Variants in NCAM2 observed in about 807,000 individuals in gnomAD.
The protein encoded by NCAM2 is neural cell adhesion molecule 2.
Under a neutral mutation model 98.1 loss-of-function variants are expected in NCAM2, and 30 were observed. That is an observed-to-expected ratio of 0.31 (90% CI 0.23 to 0.41). The LOEUF is 0.41. Among genes scored for constraint, NCAM2 ranks in the 10% least tolerant of loss-of-function variants. The pLI, the probability that NCAM2 is intolerant of heterozygous loss-of-function variation, is 1.00. For missense variants in NCAM2, 867 were observed against 1,005.8 expected (o/e 0.86, Z 1.87); for synonymous variants, 368 against 342.4 (o/e 1.07, Z -0.83).
intron 1 of NCAM2, among the ~76,000 whole-genome samples, chr21:21,163,195 G>T (rs2067841963): frequency 6.6e-6 from 1 of 152,160 alleles, no homozygotes; most frequent in African/African-American, 2.4e-5. Flanking sequence ...CACTGAAGAA[G>T]CTTACAGTGC....
At chr21:21,191,657 A>G (rs2068827764) in intron 1 of NCAM2, among the ~76,000 whole-genome samples, 1 of 152,198 alleles carries the variant, frequency 6.6e-6, no homozygotes. Flanking sequence ...TCTATGAAAC[A>G]TATTGGCACT....
chr21:21,219,656 A>G (rs548502015), intron 1 of NCAM2, among the ~76,000 whole-genome samples: 1 of 152,314 alleles, frequency 6.6e-6, no homozygotes, highest in South Asian at 2.1e-4. Flanking sequence ...AGGTTTAGAT[A>G]TTTACTACAC....
intron 1 of NCAM2, among the ~76,000 whole-genome samples, chr21:21,178,927 C>T (rs1370826964): frequency 2.0e-5 from 3 of 152,016 alleles, no homozygotes; most frequent in South Asian, 2.1e-4. Context: ...GAAATTTTCT[C>T]ACAAAGGTGG....
chr21:21,258,243 G>A (rs909122459), intron 1 of NCAM2, among the ~76,000 whole-genome samples: 1 of 152,110 alleles, frequency 6.6e-6, no homozygotes, highest in African/African-American at 2.4e-5. Flanking sequence ...TTTCACATCT[G>A]CTGAAGTTCT....
At chr21:21,400,024 G>A (rs1258354870) in intron 9 of NCAM2, among the ~76,000 whole-genome samples, 1 of 152,142 alleles carries the variant, frequency 6.6e-6, no homozygotes, top group East Asian at 1.9e-4. Context: ...AAAGAGGCAG[G>A]GAGGGGGCAT....
intron 1 of NCAM2, among the ~76,000 whole-genome samples, chr21:21,125,215 T>C (rs996279507): frequency 2.0e-5 from 3 of 151,600 alleles, no homozygotes; most frequent in Non-Finnish European, 4.4e-5. Context: ...GTGAGAACTA[T>C]CATGAAATTT....
At chr21:21,265,105 A>ACTATATATGTGTATGTGT (rs2072151992) in intron 1 of NCAM2, among the ~76,000 whole-genome samples, 8 of 32,178 alleles carry the variant, frequency 2.5e-4, no homozygotes, top group African/African-American at 6.0e-4. Context: ...ATACATATAT[A>ACTATATATGTGTATGTGT]ATATATATAC....
intron 1 of NCAM2, among the ~76,000 whole-genome samples, chr21:21,135,636 T>C (rs2067033228): frequency 6.6e-6 from 1 of 152,172 alleles, no homozygotes; most frequent in African/African-American, 2.4e-5. Flanking sequence ...ATGACAGTCC[T>C]TGGAATGCTT....
rs759172966 is a variant in NCAM2 at position 21,359,576 on chromosome 21, G to A, written c.1045-14287G>A. On this transcript the variant is annotated intron_variant, in intron 8 of 17. Coordinates refer to ENST00000400546, the MANE Select transcript of NCAM2 (RefSeq NM_004540.5). Reference sequence around the variant, plus strand: ...CTTTCACTTAAAAAAACTGTCGTCAGTTTTATAAGATAATGTGATAGTAGT... The same window carrying A: ...CTTTCACTTAAAAAAACTGTCGTCAATTTTATAAGATAATGTGATAGTAGT... Among the ~76,000 whole-genome samples the A allele has an allele frequency of 2.6e-5, 4 of 151,860 alleles. No homozygotes were observed. The East Asian group carries it at 7.7e-4, about 29-fold the overall frequency.
chr21:21,292,006 G>A, intron 4 of NCAM2, 98 bp from the exon 5 acceptor site: 1 of 1,139,438 alleles, frequency 8.8e-7, no homozygotes. Flanking sequence ...GCTTGATAGT[G>A]TCAGACAGTG....
intron 5 of NCAM2, among the ~76,000 whole-genome samples, chr21:21,300,915 T>C (rs538541248): frequency 1.3e-5 from 2 of 152,068 alleles, no homozygotes; most frequent in African/African-American, 2.4e-5. Flanking sequence ...AAGTTTGTCA[T>C]GTACAATAAT....
At position 21,394,469 on chromosome 21, in the gene NCAM2, C is replaced by CTTTTTTTTTTTTTTTTTT. The variant is rs532068473; in HGVS notation, c.1196-15785_1196-15768dup. ...GACCTTAGTTAATTTAAGGGGCCAG[C>CTTTTTTTTTTTTTTTTTT]TTTTTTTTTTTTTTTTTTTTTTTTT... On this transcript the variant is annotated intron_variant, in intron 9 of 17. Transcript: ENST00000400546. Among the ~76,000 whole-genome samples, 41 of 57,670 alleles carry CTTTTTTTTTTTTTTTTTT rather than the reference C, an allele frequency of 7.1e-4. 5 individuals carry two copies. The highest frequency in any genetic ancestry group is 1.6e-3 in the South Asian group (2 of 1,264). 37.8% of individuals were successfully genotyped at this position (57,670 alleles called of 152,430 possible). A position where few individuals can be genotyped will look rare whatever the true frequency, so the allele number is the denominator to read the frequency against.
rs1208432646 is a variant in NCAM2, at chr21:21,538,037, A to T, written c.*80A>T. The T allele has an allele frequency of 2.7e-6, 2 of 736,950 alleles. No individual in the cohort carries two copies. The highest frequency in any genetic ancestry group is 3.6e-5 in the African/African-American group (2 of 54,810). The allele number at this position is 736,950 out of a possible 1,614,324, so 45.7% of individuals were successfully genotyped here. A position where few individuals can be genotyped will look rare whatever the true frequency, so the allele number is the denominator to read the frequency against. On this transcript the variant is annotated 3_prime_UTR_variant, in exon 18 of 18. Transcript: ENST00000400546. ...CCCTATGACCAAAACTATTCCATTG[A>T]CCTTAATTTCTTGGGAAACTTCTAG... is the stretch of plus-strand genomic sequence containing the variant.
At chr21:21,385,657 T>C (rs2076256962) in intron 9 of NCAM2, 2 of 1,286,738 alleles carry the variant, frequency 1.6e-6, no homozygotes, top group Non-Finnish European at 1.0e-6. Context: ...TTCCGAGGCG[T>C]TACTTTACTA....
intron 2 of NCAM2, among the ~76,000 whole-genome samples, chr21:21,280,971 A>G (rs11910378): frequency 0.02 from 3,098 of 151,886 alleles, 98 homozygotes; most frequent in African/African-American, 0.071. Context: ...GTGTTTTTGT[A>G]GTAGAGACGG....
At chr21:21,219,742 G>C (rs1306180794) in intron 1 of NCAM2, among the ~76,000 whole-genome samples, 1 of 152,112 alleles carries the variant, frequency 6.6e-6, no homozygotes. Context: ...GCCTCATGCT[G>C]GTCTTTCAGG....
Position 21,292,126 on chromosome 21 carries a change from C to A in NCAM2, c.504C>A (p.Asn168Lys). 1 of 1,610,466 alleles carries A rather than the reference C, an allele frequency of 6.2e-7. No individual in the cohort carries two copies. The highest frequency in any genetic ancestry group is 8.5e-7 in the Non-Finnish European group (1 of 1,178,120). Residue 168 changes from asparagine to lysine, a missense_variant, in exon 5 of 18, where the codon AAC becomes AAA. Asn to Lys is a moderately conservative substitution (Grantham distance 94). Around this residue, in one of 5 missense-constraint regions of NCAM2, gnomAD observed 447 missense variants for 495.7 expected, o/e 0.90. Transcript: ENST00000400546. ...ISDNRFAMLA[N>K]NNLQILNINK... is the part of the protein sequence containing the mutation. ...CAGATCGGTTCGCTATGTTAGCAAA[C>A]AATAACCTGCAGATTCTCAACATCA... is the stretch of plus-strand genomic sequence containing the variant.
chr21:21,470,308 C>A (rs1261736363), intron 14 of NCAM2, among the ~76,000 whole-genome samples: 1 of 152,044 alleles, frequency 6.6e-6, no homozygotes, highest in African/African-American at 2.4e-5. Context: ...AAAAATCTGA[C>A]TTCAAATTCA....
chr21:21,499,315 C>T (rs928607841), intron 15 of NCAM2, among the ~76,000 whole-genome samples: 1 of 152,144 alleles, frequency 6.6e-6, no homozygotes, highest in Non-Finnish European at 1.5e-5. Flanking sequence ...GATCTCGGCT[C>T]ACTGCAACCT....
Sources: gnomAD v4.1 joint callset for allele counts (sites outside exome capture counted in the v4.1 genomes callset) on GRCh38, gnomAD v4.1.1 for gene constraint, gnomAD v4.1.1 regional missense constraint, MANE v1.5 for transcripts, NCBI Gene and HGNC (gene_info 2026-07-23, HGNC 2026-07-21) for gene names.